TBL1XR1: variants seen among roughly 807,000 people sequenced by gnomAD.
TBL1XR1 encodes TBL1X/Y related 1.
TBL1XR1 carries 5 observed loss-of-function variants against 66.9 expected under a neutral mutation model. The ratio of observed to expected loss-of-function variants is 0.07; its 90% CI spans 0.04 to 0.16. The LOEUF is 0.16. TBL1XR1 is among the 10% of genes least tolerant of loss of function. TBL1XR1 has a pLI of 1.00. For missense variants in TBL1XR1, 238 were observed against 623.2 expected (o/e 0.38, Z 6.58); for synonymous variants, 210 against 206.0 (o/e 1.02, Z -0.17).
At chr3:177,100,614 G>C (rs368214874) in intron 1 of TBL1XR1, among the ~76,000 whole-genome samples, 4 of 151,914 alleles carry the variant, frequency 2.6e-5, no homozygotes, top group African/African-American at 9.7e-5. Flanking sequence ...TAGTAGAGAC[G>C]GGGTTTCACT....
chr3:177,039,397 T>A (rs1028099894), intron 10 of TBL1XR1, among the ~76,000 whole-genome samples: 1 of 152,158 alleles, frequency 6.6e-6, no homozygotes, highest in Non-Finnish European at 1.5e-5. Flanking sequence ...CATTATCATC[T>A]ACTCAACTAA....
At chr3:177,098,423 A>C (rs1364479911) in intron 2 of TBL1XR1, 43 bp downstream of exon 2, 1 of 959,404 alleles carries the variant, frequency 1.0e-6, no homozygotes, top group East Asian at 1.2e-4. Flanking sequence ...TTCTAAAAAC[A>C]AGAGAATAAG....
chr3:177,047,800 C>G (rs559005152), intron 7 of TBL1XR1: 1 of 447,994 alleles, frequency 2.2e-6, no homozygotes, highest in South Asian at 3.8e-5. Flanking sequence ...GGACCAGGAT[C>G]TACATCACCC....
chr3:177,162,237 G>C (rs1732301676), intron 1 of TBL1XR1, among the ~76,000 whole-genome samples: 2 of 152,124 alleles, frequency 1.3e-5, no homozygotes, highest in Non-Finnish European at 2.9e-5. Flanking sequence ...GTGTATCAAT[G>C]AAAAAGAAAC....
intron 10 of TBL1XR1, among the ~76,000 whole-genome samples, chr3:177,038,662 G>A (rs925249273): frequency 1.3e-5 from 2 of 152,132 alleles, no homozygotes; most frequent in Admixed American, 1.3e-4. Flanking sequence ...CTAAGAGAAA[G>A]TACACTGGCC....
chr3:177,034,381 AAAT>A lies in TBL1XR1; in HGVS notation c.1123-59_1123-57del, dbSNP rs1431612348. ...TTTTTCCATACAATGAGTATATTTA[AAAT>A]ATTATTTTGACACTTAAAATATTAT... is the stretch of plus-strand genomic sequence containing the variant. On this transcript the variant is annotated intron_variant, in intron 12 of 15. Transcript: ENST00000457928. 1.5e-5 allele frequency: 20 copies of A among 1,293,114 alleles called. No homozygotes were observed. The African/African-American group carries it at 2.5e-4, about 16-fold the overall frequency. 80.1% of individuals were successfully genotyped at this position (1,293,114 alleles called of 1,614,324 possible). A position where few individuals can be genotyped will look rare whatever the true frequency, so the allele number is the denominator to read the frequency against.
At chr3:177,046,905 G>C (rs1216361201) in intron 9 of TBL1XR1, among the ~76,000 whole-genome samples, 1 of 152,146 alleles carries the variant, frequency 6.6e-6, no homozygotes, top group East Asian at 1.9e-4. Context: ...AAGAAGGCTA[G>C]ACAGATCCTG....
At chr3:177,196,896 A>G (rs995118976) in intron 1 of TBL1XR1, among the ~76,000 whole-genome samples, 4 of 151,674 alleles carry the variant, frequency 2.6e-5, no homozygotes, top group African/African-American at 9.7e-5. Context: ...TGAGCATTTC[A>G]AAGAAACCTG....
At position 177,024,682 on chromosome 3, in the gene TBL1XR1, C is replaced by G. The variant is rs917663267; in HGVS notation, c.*816G>C. 3 of 111,778 alleles carry G rather than the reference C, an allele frequency of 2.7e-5. No individual in the cohort carries two copies. Among genetic ancestry groups the G allele is most frequent in the African/African-American group, 1.0e-4 (3 of 29,558 alleles). 6.9% of individuals were successfully genotyped at this position (111,778 alleles called of 1,614,324 possible). A position where few individuals can be genotyped will look rare whatever the true frequency, so the allele number is the denominator to read the frequency against. ...ATATGTCCCAAAAAAGAAACTATTG[C>G]ATTTAAGCCACATCACCAAAAAACA... On this transcript the variant is annotated 3_prime_UTR_variant, in exon 16 of 16. Transcript: ENST00000457928.
intron 1 of TBL1XR1, among the ~76,000 whole-genome samples, chr3:177,103,037 G>A (rs376722933): frequency 7.9e-5 from 12 of 152,288 alleles, no homozygotes; most frequent in Non-Finnish European, 1.6e-4. Context: ...CTGATAAAAT[G>A]TTAGTGTCTA....
At chr3:177,161,049 A>C (rs181593082) in intron 1 of TBL1XR1, 1 of 152,168 alleles carries the variant, frequency 6.6e-6, no homozygotes, top group Non-Finnish European at 1.5e-5. Flanking sequence ...AAAAAAATTT[A>C]TATCAAGTAC....
intron 3 of TBL1XR1, among the ~76,000 whole-genome samples, chr3:177,057,022 A>G (rs904970730): frequency 2.6e-5 from 4 of 152,190 alleles, no homozygotes; most frequent in Non-Finnish European, 4.4e-5. Flanking sequence ...CTTGGCCTTC[A>G]TAACAAAGGT....
Position 177,141,398 on chromosome 3 carries a change from T to C in TBL1XR1, c.-121-42857A>G, listed in dbSNP as rs79997293. 9.6e-3 allele frequency among the ~76,000 whole-genome samples: 1,463 copies of C among 152,328 alleles called. 23 individuals carry two copies. The highest frequency in any genetic ancestry group is 0.037 in the South Asian group (180 of 4,830). On this transcript the variant is annotated intron_variant, in intron 1 of 15. Coordinates refer to ENST00000457928, the MANE Select transcript of TBL1XR1 (RefSeq NM_024665.7). The stretch of plus-strand genomic sequence containing the variant: ...CCAAGTAGAAGTTAAGAACAAAATA[T>C]ATTTGTATTTACATGAATAATATTC...
chr3:177,107,132 C>G (rs546783464), intron 1 of TBL1XR1, among the ~76,000 whole-genome samples: 1 of 151,982 alleles, frequency 6.6e-6, no homozygotes, highest in Admixed American at 6.5e-5. Context: ...AATATGTCAG[C>G]GGATAATTAC....
At chr3:177,108,076 A>T (rs1725102480) in intron 1 of TBL1XR1, among the ~76,000 whole-genome samples, 1 of 152,084 alleles carries the variant, frequency 6.6e-6, no homozygotes, top group African/African-American at 2.4e-5. Flanking sequence ...TAGTTTGTTG[A>T]CTCTGAAGCA....
chr3:177,070,677 C>T (rs759151352), intron 2 of TBL1XR1, among the ~76,000 whole-genome samples: 15 of 151,998 alleles, frequency 9.9e-5, no homozygotes, highest in Non-Finnish European at 1.8e-4. Context: ...GGCGAAACCC[C>T]ATCTCTACTA....
chr3:177,057,640 G>T (rs1025852596), intron 3 of TBL1XR1, among the ~76,000 whole-genome samples: 7 of 152,088 alleles, frequency 4.6e-5, no homozygotes, highest in Non-Finnish European at 7.4e-5. Context: ...GCAGAAAAAG[G>T]CTTTTTCCAG....
chr3:177,108,973 C>CT (rs1209634207), intron 1 of TBL1XR1, among the ~76,000 whole-genome samples: 15 of 152,212 alleles, frequency 9.9e-5, no homozygotes, highest in African/African-American at 3.6e-4. Context: ...AATGAGCTTG[C>CT]ATTTTAGCTT....
In TBL1XR1 at chr3:177,139,533, TC is replaced by T. The variant is rs1482880144; in HGVS notation, c.-121-40993del. On this transcript the variant is annotated intron_variant, in intron 1 of 15. Coordinates refer to ENST00000457928, the MANE Select transcript of TBL1XR1 (RefSeq NM_024665.7). ...CTGGGTGACAAAGCAAGACTCCATCTCGGGGGGAAAAAAAAAAATTAAAGCA... is the reference window on the plus strand; with the variant it reads ...CTGGGTGACAAAGCAAGACTCCATCTGGGGGGAAAAAAAAAAATTAAAGCA... 5.6e-5 allele frequency among the ~76,000 whole-genome samples: 5 copies of T among 89,742 alleles called. No individual in the cohort carries two copies. In the East Asian group the frequency reaches 7.7e-4, roughly 14 times the overall value. The allele number at this position is 89,742 out of a possible 152,430, so 58.9% of individuals were successfully genotyped here. A position where few individuals can be genotyped will look rare whatever the true frequency, so the allele number is the denominator to read the frequency against.
Sources: allele counts gnomAD v4.1 joint callset (sites outside exome capture counted in the v4.1 genomes callset), GRCh38; gene constraint gnomAD v4.1.1; transcripts MANE v1.5; gene names NCBI Gene and HGNC (gene_info 2026-07-23, HGNC 2026-07-21).